Variants in PIAS3 observed in about 807,000 individuals in gnomAD.
The protein encoded by PIAS3 is E3 SUMO-protein ligase PIAS3.
PIAS3 carries 34 observed loss-of-function variants against 67.6 expected under a neutral mutation model. The ratio of observed to expected loss-of-function variants is 0.50; its 90% CI spans 0.38 to 0.67. PIAS3 has a LOEUF of 0.67. Ranked by LOEUF, PIAS3 falls within the 30% of genes least tolerant of loss-of-function variation. The pLI is 0.00. For missense variants in PIAS3, 693 were observed against 791.6 expected (o/e 0.88, Z 1.49); for synonymous variants, 341 against 313.8 (o/e 1.09, Z -0.92).
intron 5 of PIAS3, 100 bp downstream of exon 5, chr1:145,855,636 G>T: frequency 1.4e-6 from 1 of 716,188 alleles, no homozygotes; most frequent in Non-Finnish European, 2.5e-6. Flanking sequence ...TATGTGCCAC[G>T]CACTGTGCTA....
Position 145,849,629 on chromosome 1 carries a change from G to C in PIAS3, c.1704C>G (p.His568Gln). 2 of 1,613,560 alleles carry C rather than the reference G, an allele frequency of 1.2e-6. No homozygotes were observed. The highest frequency in any genetic ancestry group is 1.7e-6 in the Non-Finnish European group (2 of 1,179,756). The part of the protein sequence containing the change: ...HFFQYRGTPS[H>Q]FLGPLAPTLG... ...GCGTGGGGGCCAGTGGGCCCAGAAA[G>C]TGAGAAGGGGTCCCTCGGTACTGGA... is the stretch of plus-strand genomic sequence containing the variant. Residue 568 changes from histidine (H) to glutamine (Q), a missense_variant, in exon 14 of 14, where the codon CAC becomes CAG. His to Gln is a conservative substitution (Grantham distance 24). Transcript: ENST00000393045.
At chr1:145,854,985 G>A in intron 5 of PIAS3, 105 bp from the exon 6 acceptor site, 1 of 1,376,562 alleles carries the variant, frequency 7.3e-7, no homozygotes, top group African/African-American at 1.4e-5. Context: ...CTGGAGGGAA[G>A]GCCAACTCGC....
At chr1:145,858,730 C>T (rs1428159718) in intron 1 of PIAS3, among the ~76,000 whole-genome samples, 4 of 146,922 alleles carry the variant, frequency 2.7e-5, no homozygotes, top group Admixed American at 2.7e-4. Context: ...TGCGCCTCAG[C>T]CCCCAACAGC....
rs781864436 is a variant in PIAS3, at chr1:145,856,843, C to T, written c.188G>A (p.Arg63Gln). 7 of 1,614,072 alleles carry T rather than the reference C, an allele frequency of 4.3e-6. No homozygotes were observed. The highest frequency in any genetic ancestry group is 1.1e-5 in the South Asian group (1 of 91,076). Reference sequence around the variant, plus strand: ...CCCCAGGGTCTTCCGGGGAAAGCGTCGTCGGTAAAGCTCTTTGATCTTCAT... The same window carrying T: ...CCCCAGGGTCTTCCGGGGAAAGCGTTGTCGGTAAAGCTCTTTGATCTTCAT... ...VQMKIKELYR[R>Q]RFPRKTLGPS... The change falls in exon 2 of 14, where the codon CGA becomes CAA. Residue 63 changes from arginine (R) to glutamine (Q), a missense_variant. By Grantham distance (43) the Arg-to-Gln change is conservative. Transcript: ENST00000393045.
rs1553735766 is a variant in PIAS3 at position 145,856,938 on chromosome 1, A to G, written c.93T>C (p.Ser31=). 1 of 1,613,974 alleles carries G rather than the reference A, an allele frequency of 6.2e-7. No individual in the cohort carries two copies. Among genetic ancestry groups the G allele is most frequent in the East Asian group, 2.2e-5 (1 of 44,866 alleles). Residue 31 remains serine, a synonymous_variant, in exon 2 of 14, where the codon AGT becomes AGC. Transcript: ENST00000393045. ...TGGCCAGGAGCTCGTGCTTCCGTCCACTCTTGTTCCGGCCAGCAAAGCCAA... is the reference window on the plus strand; with the variant it reads ...TGGCCAGGAGCTCGTGCTTCCGTCCGCTCTTGTTCCGGCCAGCAAAGCCAA... The part of the protein sequence containing the change: ...VLLGFAGRNK[S]GRKHELLAKA...
At chr1:145,852,490 C>A (rs1653001569) in intron 9 of PIAS3, among the ~76,000 whole-genome samples, 1 of 151,930 alleles carries the variant, frequency 6.6e-6, no homozygotes, top group Non-Finnish European at 1.5e-5. Flanking sequence ...AAGGCTCAAT[C>A]TCTCTCGGCC....
intron 3 of PIAS3, 29 bp downstream of exon 3, chr1:145,856,318 A>T: frequency 6.4e-7 from 1 of 1,571,804 alleles, no homozygotes; most frequent in Non-Finnish European, 8.8e-7. Flanking sequence ...GAGACCAGGG[A>T]TGAGGCAGGA....
At chr1:145,849,867 T>C in intron 13 of PIAS3, 155 bp from the exon 14 acceptor site, 1 of 1,469,068 alleles carries the variant, frequency 6.8e-7, no homozygotes, top group Non-Finnish European at 8.9e-7. Context: ...TTTCCCCTAC[T>C]TCCCTACACC....
At chr1:145,857,666 C>T (rs888502279) in intron 1 of PIAS3, among the ~76,000 whole-genome samples, 3 of 152,192 alleles carry the variant, frequency 2.0e-5, no homozygotes, top group Non-Finnish European at 4.4e-5. Context: ...ATAACCACCC[C>T]CTCCCCACAA....
chr1:145,855,974 C>T, intron 4 of PIAS3, 94 bp downstream of exon 4: 1 of 1,131,918 alleles, frequency 8.8e-7, no homozygotes, highest in East Asian at 2.3e-5. Context: ...TAGGCAGTGG[C>T]AGAGCAGGGA....
Position 145,849,284 on chromosome 1 carries a change from G to T in PIAS3, c.*162C>A, listed in dbSNP as rs972815680. ...GAGGTTAAATATTAACCCTTTGGGT[G>T]CTGGCCTTGTCAGGCAGAGATGAGG... On this transcript the variant is annotated 3_prime_UTR_variant, in exon 14 of 14. Transcript: ENST00000393045. 2.5e-5 allele frequency: 14 copies of T among 567,614 alleles called. No individual in the cohort carries two copies. In the South Asian group the frequency reaches 6.6e-4, roughly 27 times the overall value. The allele number at this position is 567,614 out of a possible 1,614,324, so 35.2% of individuals were successfully genotyped here. A position where few individuals can be genotyped will look rare whatever the true frequency, so the allele number is the denominator to read the frequency against.
intron 12 of PIAS3, 55 bp downstream of exon 12, chr1:145,850,398 G>A: frequency 6.2e-7 from 1 of 1,611,416 alleles, no homozygotes; most frequent in Non-Finnish European, 8.5e-7. Context: ...GGGTTCTGAT[G>A]TAGCTCTGGG....
At position 145,853,616 on chromosome 1, in the gene PIAS3, G is replaced by C. The variant is rs1553734830; in HGVS notation, c.1033C>G (p.His345Asp). ...TVPCRALTCA[H>D]LQSFDAALYL... ...AGGGCAGCATCGAAGCTCTGCAGGT[G>C]GGCGCAGGTGAGGGCACGACAAGGG... The change falls in exon 9 of 14, where the codon CAC (histidine) becomes GAC (aspartate). Residue 345 changes from histidine to aspartate, a missense_variant. By Grantham distance (81) the His-to-Asp change is moderately conservative. This residue lies in a region of PIAS3 where 115 missense variants were observed against 181.8 expected (regional missense o/e 0.63). Coordinates refer to ENST00000393045, the MANE Select transcript of PIAS3 (RefSeq NM_006099.3). 6.2e-7 allele frequency: 1 copy of C among 1,614,012 alleles called. No individual in the cohort carries two copies. Among genetic ancestry groups the C allele is most frequent in the African/African-American group, 1.3e-5 (1 of 74,984 alleles).
At position 145,849,403 on chromosome 1, in the gene PIAS3, G is replaced by A. The variant is rs200227621; in HGVS notation, c.*43C>T. The A allele has an allele frequency of 2.6e-5, 38 of 1,452,890 alleles. No individual in the cohort carries two copies. The highest frequency in any genetic ancestry group is 2.3e-4 in the Middle Eastern group (1 of 4,270). The allele number at this position is 1,452,890 out of a possible 1,614,324, so 90.0% of individuals were successfully genotyped here. A position where few individuals can be genotyped will look rare whatever the true frequency, so the allele number is the denominator to read the frequency against. On this transcript the variant is annotated 3_prime_UTR_variant, in exon 14 of 14. Coordinates refer to ENST00000393045, the MANE Select transcript of PIAS3 (RefSeq NM_006099.3). ...GGGGTTGGGACTCCACAGCATACTT[G>A]CTCAGTGTTGGGGGACAGCGAAGTT...
intron 9 of PIAS3, among the ~76,000 whole-genome samples, chr1:145,853,046 G>A (rs1382867661): frequency 6.6e-6 from 1 of 152,080 alleles, no homozygotes; most frequent in Admixed American, 6.6e-5. Context: ...GGTGAGAATT[G>A]CAGTTCATGT....
Position 145,850,791 on chromosome 1 carries a change from CG to C in PIAS3, c.1427del (p.Pro476ArgfsTer10). 2.5e-6 allele frequency: 4 copies of C among 1,614,172 alleles called. No individual in the cohort carries two copies. The highest frequency in any genetic ancestry group is 3.4e-6 in the Non-Finnish European group (4 of 1,180,024). ...CATACCCTTTGCTTCCAGGTAGGGCCGGGATGGCAGCTGAGGTGACAGAACA... is the reference window on the plus strand; with the variant it reads ...CATACCCTTTGCTTCCAGGTAGGGCCGGATGGCAGCTGAGGTGACAGAACA... ...KHCSVTSAAI[P>X]ALPGSKGVLT... is the part of the protein sequence containing the mutation. On this transcript the variant is annotated frameshift_variant, in exon 11 of 14. Coordinates refer to ENST00000393045, the MANE Select transcript of PIAS3 (RefSeq NM_006099.3). LOFTEE classifies it high-confidence loss of function.
In PIAS3 at chr1:145,853,626, G is replaced by A. The variant is rs199857177; in HGVS notation, c.1023C>T (p.Leu341=). The change falls in exon 9 of 14, where the codon CTC becomes CTT. Residue 341 remains leucine (L), a synonymous_variant. Coordinates refer to ENST00000393045, the MANE Select transcript of PIAS3 (RefSeq NM_006099.3). ...KMRLTVPCRA[L]TCAHLQSFDA... is the part of the protein sequence containing the mutation. ...CGAAGCTCTGCAGGTGGGCGCAGGTGAGGGCACGACAAGGGACAGTCAGGC... is the reference window on the plus strand; with the variant it reads ...CGAAGCTCTGCAGGTGGGCGCAGGTAAGGGCACGACAAGGGACAGTCAGGC... The A allele has an allele frequency of 2.2e-5, 36 of 1,613,954 alleles. No homozygotes were observed. The highest frequency in any genetic ancestry group is 7.7e-5 in the South Asian group (7 of 91,086).
At chr1:145,850,742 T>G in intron 11 of PIAS3, 29 bp downstream of exon 11, 1 of 1,612,216 alleles carries the variant, frequency 6.2e-7, no homozygotes, top group Non-Finnish European at 8.5e-7. Context: ...CTGTCCGTTT[T>G]GCTGTAGACT....
intron 9 of PIAS3, among the ~76,000 whole-genome samples, chr1:145,852,979 C>G (rs587637970): frequency 3.3e-5 from 5 of 152,020 alleles, no homozygotes; most frequent in Non-Finnish European, 7.4e-5. Context: ...TGCCCTCCCC[C>G]TCCACACACA....
Sources: allele counts gnomAD v4.1 joint callset (sites outside exome capture counted in the v4.1 genomes callset), GRCh38; gene constraint gnomAD v4.1.1; regional missense constraint gnomAD v4.1.1; transcripts MANE v1.5; gene names NCBI Gene and HGNC (gene_info 2026-07-23, HGNC 2026-07-21).